COL22A1: variants seen among roughly 807,000 people sequenced by gnomAD.
COL22A1 encodes collagen type XXII alpha 1 chain, also known as collagen alpha-1(XXII) chain.
Under a neutral mutation model 248.9 loss-of-function variants are expected in COL22A1, and 221 were observed. That is an observed-to-expected ratio of 0.89 (90% confidence interval 0.80 to 0.99). The LOEUF (loss-of-function observed/expected upper bound fraction) is 0.99. COL22A1 is among the 50% of genes least tolerant of loss of function. COL22A1 has a pLI of 0.00. For synonymous variants in COL22A1, 891 were observed against 793.4 expected (o/e 1.12, Z -2.07); for missense variants, 2,240 against 2,179.0 (o/e 1.03, Z -0.56).
chr8:138,851,936 T>C (rs1485459066), intron 3 of COL22A1, among the ~76,000 whole-genome samples: 4 of 151,746 alleles, frequency 2.6e-5, no homozygotes, highest in Non-Finnish European at 5.9e-5. Flanking sequence ...GGGGCAGTAG[T>C]AGGGAAGCTC....
chr8:138,651,546 G>A (rs1373130878), intron 45 of COL22A1, among the ~76,000 whole-genome samples: 1 of 152,164 alleles, frequency 6.6e-6, no homozygotes, highest in Non-Finnish European at 1.5e-5. Context: ...GTTAAATACT[G>A]GGATATATAA....
At chr8:138,699,534 G>A (rs559810840) in intron 32 of COL22A1, among the ~76,000 whole-genome samples, 2 of 152,330 alleles carry the variant, frequency 1.3e-5, no homozygotes, top group South Asian at 2.1e-4. Flanking sequence ...AGAGCCATTC[G>A]TGAAAAGAGA....
intron 3 of COL22A1, among the ~76,000 whole-genome samples, chr8:138,872,437 G>A (rs537710895): frequency 1.3e-5 from 2 of 152,252 alleles, no homozygotes; most frequent in South Asian, 2.1e-4. Flanking sequence ...CTGGCTGTGG[G>A]GACAGGAGAG....
chr8:138,645,636 T>C (rs1440391809), intron 47 of COL22A1, among the ~76,000 whole-genome samples: 1 of 152,160 alleles, frequency 6.6e-6, no homozygotes, highest in Non-Finnish European at 1.5e-5. Context: ...CTCATAGTTT[T>C]CATAGTCCCT....
At chr8:138,798,570 C>T (rs1816747058) in intron 11 of COL22A1, among the ~76,000 whole-genome samples, 1 of 151,968 alleles carries the variant, frequency 6.6e-6, no homozygotes, top group Admixed American at 6.6e-5. Flanking sequence ...TCCCTTCTTC[C>T]CTCTTTTTGT....
chr8:138,754,941 C>T (rs1332631765), intron 21 of COL22A1, among the ~76,000 whole-genome samples: 2 of 152,238 alleles, frequency 1.3e-5, no homozygotes, highest in African/African-American at 4.8e-5. Context: ...TCCCATTCCA[C>T]ACATGGCAGC....
chr8:138,761,400 C>T (rs2318337), intron 17 of COL22A1, among the ~76,000 whole-genome samples: 93,601 of 151,960 alleles, frequency 0.62, 29,550 homozygotes, highest in East Asian at 0.92. Flanking sequence ...AATGGTTCCA[C>T]GTTTATGATA....
At position 138,636,594 on chromosome 8, in the gene COL22A1, C is replaced by T. The variant is rs1484931489; in HGVS notation, c.3555+148G>A. The T allele has an allele frequency of 2.1e-5, 12 of 576,584 alleles. No homozygotes were observed. The East Asian group carries it at 2.4e-4, about 12-fold the overall frequency. The allele number at this position is 576,584 out of a possible 1,614,324, so 35.7% of individuals were successfully genotyped here. A position where few individuals can be genotyped will look rare whatever the true frequency, so the allele number is the denominator to read the frequency against. On this transcript the variant is annotated intron_variant, in intron 48 of 64. Transcript: ENST00000303045. ...GGGCACTTAGAGTGAACCAGAGATA[C>T]CAAGATGAAAACCATAAAAATGAGA...
intron 27 of COL22A1, among the ~76,000 whole-genome samples, chr8:138,717,200 T>C (rs551000670): frequency 6.6e-6 from 1 of 152,230 alleles, no homozygotes; most frequent in African/African-American, 2.4e-5. Context: ...CAGGCTGGAG[T>C]GCAGTGGCAC....
chr8:138,867,610 C>CTCA (rs1822996766), intron 3 of COL22A1, among the ~76,000 whole-genome samples: 1 of 152,110 alleles, frequency 6.6e-6, no homozygotes, highest in African/African-American at 2.4e-5. Flanking sequence ...CACTCTAGCC[C>CTCA]CGCTGACATG....
intron 16 of COL22A1, among the ~76,000 whole-genome samples, chr8:138,768,200 C>T (rs889975997): frequency 5.9e-5 from 9 of 152,204 alleles, no homozygotes; most frequent in South Asian, 2.1e-4. Context: ...TTCCCAGCCC[C>T]CCATGGTTCC....
chr8:138,612,759 T>G (rs1818967897), intron 56 of COL22A1, among the ~76,000 whole-genome samples: 1 of 151,360 alleles, frequency 6.6e-6, no homozygotes, highest in African/African-American at 2.4e-5. Context: ...AAACCCCATC[T>G]CTACTAAAAA....
At chr8:138,709,569 T>C (rs919008218) in intron 30 of COL22A1, among the ~76,000 whole-genome samples, 3 of 138,080 alleles carry the variant, frequency 2.2e-5, no homozygotes, top group African/African-American at 8.2e-5. Flanking sequence ...TTCTCACTCA[T>C]AGGTGGGAAT....
At chr8:138,890,131 G>GA (rs1824947855) in intron 1 of COL22A1, among the ~76,000 whole-genome samples, 1 of 151,998 alleles carries the variant, frequency 6.6e-6, no homozygotes, top group Non-Finnish European at 1.5e-5. Flanking sequence ...AAGGGAAGAA[G>GA]AAAATACATA....
intron 30 of COL22A1, among the ~76,000 whole-genome samples, chr8:138,709,847 CCT>C (rs1828803177): frequency 1.3e-5 from 2 of 152,132 alleles, no homozygotes; most frequent in South Asian, 2.1e-4. Context: ...ATGTGGTTTT[CCT>C]CTGATTGCAA....
At chr8:138,652,653 C>T in intron 45 of COL22A1, among the ~76,000 whole-genome samples, 1 of 148,126 alleles carries the variant, frequency 6.8e-6, no homozygotes, top group East Asian at 2.0e-4. Context: ...TTTCAGGGTT[C>T]ATTGTATGTA....
chr8:138,811,910 G>A lies in COL22A1; in HGVS notation c.1338C>T (p.Thr446=), dbSNP rs763851220. ...CDIPSGPCQV[T]VVTEPPPPPP... is the part of the protein sequence containing the mutation. Reference sequence around the variant, plus strand: ...GTGGAGGTGGAGGCTCTGTCACCACGGTCACCTGGCACTGGAAGGAAAGCC... The same window carrying A: ...GTGGAGGTGGAGGCTCTGTCACCACAGTCACCTGGCACTGGAAGGAAAGCC... Residue 446 remains threonine, a synonymous_variant, in exon 9 of 65, where the codon ACC becomes ACT. Coordinates refer to ENST00000303045, the MANE Select transcript of COL22A1 (RefSeq NM_152888.3). 83 of 1,553,484 alleles carry A rather than the reference G, an allele frequency of 5.3e-5. 1 individual carries two copies. Among genetic ancestry groups the A allele is most frequent in the African/African-American group, 8.2e-5 (6 of 73,394 alleles).
chr8:138,664,809 T>A (rs1401265588), intron 41 of COL22A1, among the ~76,000 whole-genome samples: 1 of 152,162 alleles, frequency 6.6e-6, no homozygotes, highest in Admixed American at 6.5e-5. Context: ...CGAGGAGAAC[T>A]TGAGAATCAA....
At chr8:138,852,982 CAA>C in intron 3 of COL22A1, among the ~76,000 whole-genome samples, 1 of 138,392 alleles carries the variant, frequency 7.2e-6, no homozygotes, top group African/African-American at 2.7e-5. Context: ...ATATCTACTA[CAA>C]AAAAAAAAAG....
Sources: allele counts gnomAD v4.1 joint callset (sites outside exome capture counted in the v4.1 genomes callset), GRCh38; gene constraint gnomAD v4.1.1; transcripts MANE v1.5; gene names NCBI Gene and HGNC (gene_info 2026-07-23, HGNC 2026-07-21).